The following ZMYND8 variants were observed in gnomAD, a reference collection of about 807,000 sequenced individuals.
ZMYND8 encodes zinc finger MYND-type containing 8.
A neutral mutation model predicts 140.8 loss-of-function variants in ZMYND8; 37 were observed. That is an observed-to-expected ratio of 0.26 (90% confidence interval 0.20 to 0.35). The LOEUF (loss-of-function observed/expected upper bound fraction) is 0.35, where lower values mean the gene tolerates loss of function less well. Ranked by LOEUF, ZMYND8 falls within the 10% of genes least tolerant of loss-of-function variation. The pLI is 1.00. For missense variants in ZMYND8, 1,068 were observed against 1,570.0 expected, an observed-to-expected ratio of 0.68 and a Z score of 5.40; for synonymous variants, 592 against 597.1, an observed-to-expected ratio of 0.99 and a Z score of 0.12.
intron 13 of ZMYND8, among the ~76,000 whole-genome samples, chr20:47,248,755 G>A (rs766403283): frequency 3.3e-5 from 5 of 152,210 alleles, no homozygotes; most frequent in Non-Finnish European, 7.3e-5. Context: ...GGCAGTCAGG[G>A]GAGACTTCCT....
chr20:47,275,232 C>T (rs994075544), intron 11 of ZMYND8, among the ~76,000 whole-genome samples: 3 of 152,230 alleles, frequency 2.0e-5, no homozygotes, highest in Non-Finnish European at 4.4e-5. Flanking sequence ...TGGCTCACAC[C>T]TGTAATCCCA....
chr20:47,244,012 C>T (rs1023590798), intron 14 of ZMYND8, among the ~76,000 whole-genome samples: 1 of 152,220 alleles, frequency 6.6e-6, no homozygotes, highest in African/African-American at 2.4e-5. Flanking sequence ...GTATCTCTCT[C>T]TTCCTCCACT....
intron 15 of ZMYND8, 147 bp from the exon 16 acceptor site, chr20:47,236,663 T>A: frequency 1.2e-6 from 1 of 816,616 alleles, no homozygotes; most frequent in Non-Finnish European, 1.8e-6. Context: ...CCAAACTCTA[T>A]CCAGGTTTCT....
At chr20:47,247,007 A>G (rs1391938547) in intron 13 of ZMYND8, among the ~76,000 whole-genome samples, 2 of 152,176 alleles carry the variant, frequency 1.3e-5, no homozygotes, top group Admixed American at 6.5e-5. Flanking sequence ...CCAAAGGGTT[A>G]AAGTTCTTGA....
chr20:47,220,423 C>T, intron 20 of ZMYND8, 99 bp from the exon 21 acceptor site: 1 of 989,476 alleles, frequency 1.0e-6, no homozygotes, highest in Non-Finnish European at 1.5e-6. Flanking sequence ...ATCGCTGCCC[C>T]CAAAGCATCT....
At chr20:47,220,966 G>C (rs529501695) in intron 20 of ZMYND8, among the ~76,000 whole-genome samples, 1 of 152,080 alleles carries the variant, frequency 6.6e-6, no homozygotes, top group African/African-American at 2.4e-5. Flanking sequence ...TGTAAAATCA[G>C]GTCCTCGGTC....
chr20:47,238,654 C>CA (rs1452452915), intron 15 of ZMYND8, 104 bp downstream of exon 15: 1 of 1,526,402 alleles, frequency 6.6e-7, no homozygotes. Flanking sequence ...GGCCCGGAAA[C>CA]AAACGAGAAC....
intron 11 of ZMYND8, among the ~76,000 whole-genome samples, chr20:47,266,250 C>T (rs2075512770): frequency 7.0e-6 from 1 of 143,128 alleles, no homozygotes; most frequent in South Asian, 2.2e-4. Context: ...AGGCCAAACA[C>T]ACCTGGATCA....
chr20:47,348,162 A>T, intron 1 of ZMYND8: 1 of 539,024 alleles, frequency 1.9e-6, no homozygotes, highest in South Asian at 2.0e-5. Context: ...TCCAGTTGTC[A>T]TGCTATTGGG....
At chr20:47,281,130 A>C (rs1185383499) in intron 10 of ZMYND8, among the ~76,000 whole-genome samples, 3 of 152,244 alleles carry the variant, frequency 2.0e-5, no homozygotes, top group Non-Finnish European at 4.4e-5. Flanking sequence ...GAATACAGGA[A>C]TTAAAGTCAA....
intron 3 of ZMYND8, among the ~76,000 whole-genome samples, chr20:47,308,235 T>TTTG (rs2078653372): frequency 1.4e-5 from 2 of 140,870 alleles, no homozygotes; most frequent in African/African-American, 5.6e-5. Flanking sequence ...TTTTTTTTTT[T>TTTG]GGAGACAGAG....
rs2035035317 is a variant in ZMYND8 at position 47,210,062 on chromosome 20, G to GT, written c.*698dup. 6.5e-6 allele frequency: 1 copy of GT among 152,762 alleles called. No individual in the cohort carries two copies. Among genetic ancestry groups the GT allele is most frequent in the East Asian group, 1.9e-4 (1 of 5,204 alleles). 9.5% of individuals were successfully genotyped at this position (152,762 alleles called of 1,614,324 possible). On this transcript the variant is annotated 3_prime_UTR_variant, in exon 23 of 23. Transcript: ENST00000471951. ...TTTCTCTTCTGTAAACAAGGATATT[G>GT]TTTTTTCCCTTTTAGGAGTAGAGTC...
At chr20:47,314,517 A>C (rs939241790) in intron 2 of ZMYND8, among the ~76,000 whole-genome samples, 1 of 152,184 alleles carries the variant, frequency 6.6e-6, no homozygotes, top group African/African-American at 2.4e-5. Context: ...AAACAAAACA[A>C]AAAGAATGCA....
chr20:47,346,608 A>G (rs1031993486), intron 2 of ZMYND8, among the ~76,000 whole-genome samples: 4 of 148,588 alleles, frequency 2.7e-5, no homozygotes, highest in Non-Finnish European at 4.5e-5. Context: ...AAAATGACAT[A>G]CTGTCTTTTT....
At chr20:47,263,896 C>T (rs1569032519) in intron 11 of ZMYND8, among the ~76,000 whole-genome samples, 4 of 152,206 alleles carry the variant, frequency 2.6e-5, no homozygotes, top group South Asian at 2.1e-4. Flanking sequence ...CCCCATTAAC[C>T]TCTAGGGCTT....
intron 13 of ZMYND8, among the ~76,000 whole-genome samples, chr20:47,248,397 G>A (rs898434443): frequency 6.6e-6 from 1 of 152,158 alleles, no homozygotes; most frequent in African/African-American, 2.4e-5. Flanking sequence ...GCAACCCAAC[G>A]GGAGCTGTTG....
chr20:47,321,394 G>A (rs1045000543), intron 2 of ZMYND8, among the ~76,000 whole-genome samples: 6 of 152,298 alleles, frequency 3.9e-5, no homozygotes, highest in South Asian at 4.1e-4. Flanking sequence ...AAGGAGTTGC[G>A]ACAGGCATCT....
At chr20:47,309,543 G>A (rs1209029919) in intron 3 of ZMYND8, among the ~76,000 whole-genome samples, 5 of 152,006 alleles carry the variant, frequency 3.3e-5, no homozygotes, top group Non-Finnish European at 7.4e-5. Flanking sequence ...TCTTGACCTC[G>A]TGATCGACCT....
At chr20:47,287,167 C>T (rs1394480179) in intron 8 of ZMYND8, 62 bp downstream of exon 8, 1 of 1,487,650 alleles carries the variant, frequency 6.7e-7, no homozygotes, top group Non-Finnish European at 9.4e-7. Context: ...CAAATGGAAA[C>T]TTCAGCTGCC....
Sources: gnomAD v4.1 joint callset for allele counts (sites outside exome capture counted in the v4.1 genomes callset) on GRCh38, gnomAD v4.1.1 for gene constraint, MANE v1.5 for transcripts, NCBI Gene and HGNC (gene_info 2026-07-23, HGNC 2026-07-21) for gene names.